The following WWOX variants were observed in gnomAD, a reference collection of about 807,000 sequenced individuals.
The protein encoded by WWOX is WW domain-containing oxidoreductase.
WWOX carries 69 observed loss-of-function variants against 46.2 expected under a neutral mutation model. The ratio of observed to expected loss-of-function variants is 1.49; its 90% confidence interval spans 1.23 to 1.82. The LOEUF is 1.82. WWOX is among the 40% of genes most tolerant of loss of function. WWOX has a pLI of 0.00. For missense variants in WWOX, 919 were observed against 542.6 expected, an observed-to-expected ratio of 1.69 and a Z score of -6.89; for synonymous variants, 359 against 202.6, an observed-to-expected ratio of 1.77 and a Z score of -6.56.
chr16:79,023,164 C>G (rs1261272362), intron 8 of WWOX, among the ~76,000 whole-genome samples: 4 of 152,172 alleles, frequency 2.6e-5, no homozygotes, highest in Admixed American at 1.3e-4. Context: ...GATATATGCA[C>G]ACACTTGACC....
At chr16:78,708,101 A>G (rs2048362478) in intron 8 of WWOX, among the ~76,000 whole-genome samples, 1 of 152,072 alleles carries the variant, frequency 6.6e-6, no homozygotes, top group Admixed American at 6.5e-5. Context: ...AGAGGCAGGA[A>G]TATCACCTGA....
chr16:78,657,785 G>A (rs1053832250), intron 8 of WWOX, among the ~76,000 whole-genome samples: 3 of 152,244 alleles, frequency 2.0e-5, no homozygotes, highest in South Asian at 2.1e-4. Context: ...GATTTTCATT[G>A]TTGTCCTTTT....
chr16:78,918,088 G>A (rs981412927), intron 8 of WWOX, among the ~76,000 whole-genome samples: 4 of 151,980 alleles, frequency 2.6e-5, no homozygotes, highest in Non-Finnish European at 2.9e-5. Context: ...TGTAGTCCCA[G>A]CTACTCAGGA....
chr16:78,953,671 A>G (rs943740159), intron 8 of WWOX, among the ~76,000 whole-genome samples: 10 of 152,162 alleles, frequency 6.6e-5, no homozygotes, highest in Non-Finnish European at 8.8e-5. Context: ...CTCTGTGCCA[A>G]GCATTTCGGT....
chr16:78,909,441 C>T (rs2045051666), intron 8 of WWOX, among the ~76,000 whole-genome samples: 2 of 152,238 alleles, frequency 1.3e-5, no homozygotes, highest in Non-Finnish European at 1.5e-5. Flanking sequence ...GTTGAACAAC[C>T]ATGCTATTAC....
chr16:78,322,417 C>G (rs907170133), intron 5 of WWOX, among the ~76,000 whole-genome samples: 2 of 152,176 alleles, frequency 1.3e-5, no homozygotes, highest in Non-Finnish European at 1.5e-5. Context: ...ACTGAGTGTT[C>G]GTGATCGCCA....
At chr16:78,541,273 G>C (rs1339325595) in intron 8 of WWOX, among the ~76,000 whole-genome samples, 1 of 151,294 alleles carries the variant, frequency 6.6e-6, no homozygotes, top group Admixed American at 6.6e-5. Flanking sequence ...AGGAGATCGA[G>C]ACCATCCCGG....
At chr16:78,479,524 C>T (rs1260427086) in intron 8 of WWOX, among the ~76,000 whole-genome samples, 2 of 152,118 alleles carry the variant, frequency 1.3e-5, no homozygotes, top group Non-Finnish European at 2.9e-5. Context: ...TGAATGAAGT[C>T]ACTTTGTGGC....
At chr16:78,156,889 C>T (rs951826305) in intron 4 of WWOX, among the ~76,000 whole-genome samples, 4 of 152,174 alleles carry the variant, frequency 2.6e-5, no homozygotes, top group Non-Finnish European at 4.4e-5. Context: ...GCAGATTGCA[C>T]CGCTGCACTC....
At chr16:78,216,540 C>A (rs1377542353) in intron 5 of WWOX, among the ~76,000 whole-genome samples, 1 of 106 alleles carries the variant, frequency 9.4e-3, no homozygotes, top group Non-Finnish European at 0.017. Flanking sequence ...GGCCTTTTCC[C>A]ATGACGCTAG....
chr16:79,008,456 C>T (rs192576916), intron 8 of WWOX, among the ~76,000 whole-genome samples: 1 of 152,106 alleles, frequency 6.6e-6, no homozygotes, highest in Non-Finnish European at 1.5e-5. Context: ...CTCAGGGGGG[C>T]AAATTATCCC....
At chr16:79,013,673 C>A (rs1455725844) in intron 8 of WWOX, among the ~76,000 whole-genome samples, 1 of 152,192 alleles carries the variant, frequency 6.6e-6, no homozygotes, top group African/African-American at 2.4e-5. Context: ...CACGTGGATA[C>A]ACTAATCTAC....
intron 8 of WWOX, among the ~76,000 whole-genome samples, chr16:79,023,150 A>G (rs541948771): frequency 4.6e-4 from 70 of 152,324 alleles, no homozygotes; most frequent in Middle Eastern, 6.8e-3. Context: ...GGGCTCTGTC[A>G]TTAGATATAT....
At chr16:78,206,266 G>A (rs999370182) in intron 5 of WWOX, among the ~76,000 whole-genome samples, 1 of 152,088 alleles carries the variant, frequency 6.6e-6, no homozygotes, top group African/African-American at 2.4e-5. Flanking sequence ...AATAATTTTG[G>A]AAATGAGCCT....
intron 8 of WWOX, among the ~76,000 whole-genome samples, chr16:78,829,524 C>T (rs1460367273): frequency 1.3e-5 from 2 of 152,142 alleles, no homozygotes; most frequent in African/African-American, 2.4e-5. Context: ...TATCTGGGCA[C>T]TGTGTGGCCC....
At chr16:78,322,608 A>C (rs966994982) in intron 5 of WWOX, among the ~76,000 whole-genome samples, 3 of 152,330 alleles carry the variant, frequency 2.0e-5, no homozygotes, top group Non-Finnish European at 4.4e-5. Flanking sequence ...GGTAGACCTG[A>C]ATTAAATCTT....
rs545327802 is a variant in WWOX at position 78,407,600 on chromosome 16, G to A, written c.606-17270G>A. Among the ~76,000 whole-genome samples, 4 of 152,250 alleles carry A rather than the reference G, an allele frequency of 2.6e-5. No individual in the cohort carries two copies. In the South Asian group the frequency reaches 8.3e-4, roughly 32 times the overall value. On this transcript the variant is annotated intron_variant, in intron 6 of 8. Transcript: ENST00000566780. ...ACCTTTCTCATCTCAGGTTTGAAATGATATGTCTCATTCTTGGGTTCCTTG... is the reference window on the plus strand; with the variant it reads ...ACCTTTCTCATCTCAGGTTTGAAATAATATGTCTCATTCTTGGGTTCCTTG...
chr16:78,388,473 C>T (rs757843270), intron 6 of WWOX, among the ~76,000 whole-genome samples: 1 of 151,746 alleles, frequency 6.6e-6, no homozygotes, highest in Non-Finnish European at 1.5e-5. Context: ...TTGTGAAACC[C>T]CATCTCTACT....
At chr16:78,649,169 G>C (rs1433606148) in intron 8 of WWOX, among the ~76,000 whole-genome samples, 2 of 152,068 alleles carry the variant, frequency 1.3e-5, no homozygotes, top group Admixed American at 1.3e-4. Context: ...TATTTTAGTA[G>C]AGACGGGATT....
Sources: allele counts gnomAD v4.1 joint callset (sites outside exome capture counted in the v4.1 genomes callset), GRCh38; gene constraint gnomAD v4.1.1; transcripts MANE v1.5; gene names NCBI Gene and HGNC (gene_info 2026-07-23, HGNC 2026-07-21).